Variants in POU2F1 observed in about 807,000 individuals in gnomAD.
POU2F1 encodes the protein POU domain, class 2, transcription factor 1.
A neutral mutation model predicts 84.9 loss-of-function variants in POU2F1; 16 were observed. The observed-to-expected ratio is 0.19, with a 90% CI of 0.13 to 0.29. POU2F1 has a LOEUF of 0.29. Among genes scored for constraint, POU2F1 ranks in the 10% least tolerant of loss-of-function variants. The pLI is 1.00. For missense variants in POU2F1, 738 were observed against 942.6 expected, an observed-to-expected ratio of 0.78 and a Z score of 2.84; for synonymous variants, 368 against 368.3, an observed-to-expected ratio of 1.00 and a Z score of 0.01.
intron 2 of POU2F1, among the ~76,000 whole-genome samples, chr1:167,365,265 GT>G (rs1659613455): frequency 6.6e-6 from 1 of 152,176 alleles, no homozygotes; most frequent in South Asian, 2.1e-4. Flanking sequence ...AGCTTTATCA[GT>G]GTTTGTGTAC....
At chr1:167,253,118 C>T (rs1245906145) in intron 1 of POU2F1, among the ~76,000 whole-genome samples, 1 of 152,190 alleles carries the variant, frequency 6.6e-6, no homozygotes, top group Admixed American at 6.5e-5. Flanking sequence ...TGTTGAAATA[C>T]TTGTGAAACT....
intron 1 of POU2F1, among the ~76,000 whole-genome samples, chr1:167,236,416 A>C (rs527653245): frequency 2.0e-5 from 3 of 152,226 alleles, no homozygotes; most frequent in African/African-American, 7.2e-5. Context: ...CTTCTTATTA[A>C]ATTTTTATTA....
At chr1:167,412,984 C>T (rs762298337) in intron 14 of POU2F1, 42 bp from the exon 15 acceptor site, 53 of 1,488,950 alleles carry the variant, frequency 3.6e-5, no homozygotes, top group Admixed American at 8.7e-5. Context: ...ATGAGACCTG[C>T]GTCTGCATGG....
chr1:167,311,941 T>G (rs192724079), intron 1 of POU2F1, among the ~76,000 whole-genome samples: 13 of 151,704 alleles, frequency 8.6e-5, no homozygotes, highest in Admixed American at 6.6e-5. Context: ...TAATTTTTTT[T>G]TTTGTTTGTG....
chr1:167,342,537 G>A lies in POU2F1; in HGVS notation c.127+10002G>A, dbSNP rs151166736. ...GAAGAGAAAGAATCCTGAAAGACCA[G>A]GGTACCAGTGAATAGACTTGCTATT... On this transcript the variant is annotated intron_variant, in intron 2 of 15. Transcript: ENST00000367866. Among the ~76,000 whole-genome samples, 349 of 152,212 alleles carry A rather than the reference G, an allele frequency of 2.3e-3. 2 individuals are homozygous for A. Among genetic ancestry groups the A allele is most frequent in the African/African-American group, 8.1e-3 (335 of 41,538 alleles).
intron 5 of POU2F1, among the ~76,000 whole-genome samples, chr1:167,373,030 G>A (rs985035653): frequency 1.3e-5 from 2 of 151,864 alleles, no homozygotes; most frequent in African/African-American, 4.8e-5. Context: ...AATCCCATGA[G>A]TAGAGATGTA....
chr1:167,392,182 T>C (rs1421238806), intron 9 of POU2F1, among the ~76,000 whole-genome samples: 2 of 151,800 alleles, frequency 1.3e-5, no homozygotes, highest in Non-Finnish European at 2.9e-5. Flanking sequence ...AAACCCCGTC[T>C]CTACTAAAAA....
intron 7 of POU2F1, among the ~76,000 whole-genome samples, chr1:167,378,515 T>C (rs1234962514): frequency 1.3e-5 from 2 of 151,744 alleles, no homozygotes; most frequent in African/African-American, 4.8e-5. Flanking sequence ...CAAGCGATTC[T>C]CCTGTCTCAG....
intron 2 of POU2F1, among the ~76,000 whole-genome samples, chr1:167,334,878 C>T (rs962619357): frequency 1.4e-4 from 21 of 152,150 alleles, no homozygotes; most frequent in Admixed American, 2.0e-4. Flanking sequence ...GAACGCTTAA[C>T]ATTATAGTAA....
At chr1:167,334,872 G>A (rs56371333) in intron 2 of POU2F1, among the ~76,000 whole-genome samples, 7,065 of 152,164 alleles carry the variant, frequency 0.046, 223 homozygotes, top group Non-Finnish European at 0.073. Flanking sequence ...GGGGAAGAAC[G>A]CTTAACATTA....
chr1:167,293,033 A>G (rs907173023), intron 1 of POU2F1, among the ~76,000 whole-genome samples: 4 of 152,210 alleles, frequency 2.6e-5, no homozygotes, highest in African/African-American at 7.2e-5. Flanking sequence ...ATATCTGACA[A>G]ACCCACAGCA....
intron 1 of POU2F1, among the ~76,000 whole-genome samples, chr1:167,247,689 T>C (rs1210487140): frequency 1.3e-5 from 2 of 152,168 alleles, no homozygotes; most frequent in Non-Finnish European, 2.9e-5. Flanking sequence ...AGGAATTCTG[T>C]TGTTGGTCAG....
At chr1:167,391,497 A>G (rs1048200840) in intron 9 of POU2F1, among the ~76,000 whole-genome samples, 2 of 149,034 alleles carry the variant, frequency 1.3e-5, no homozygotes, top group Non-Finnish European at 3.0e-5. Context: ...ATCCAAGGGT[A>G]GCATCCCCAA....
At chr1:167,241,931 T>C (rs1318996301) in intron 1 of POU2F1, among the ~76,000 whole-genome samples, 1 of 152,224 alleles carries the variant, frequency 6.6e-6, no homozygotes, top group African/African-American at 2.4e-5. Flanking sequence ...ATTGTCTAAT[T>C]TAATCACAAA....
At chr1:167,326,002 C>T (rs1656684873) in intron 1 of POU2F1, among the ~76,000 whole-genome samples, 1 of 151,874 alleles carries the variant, frequency 6.6e-6, no homozygotes, top group African/African-American at 2.4e-5. Context: ...TTGTGAAATA[C>T]ATGAGTTTGA....
intron 2 of POU2F1, among the ~76,000 whole-genome samples, chr1:167,352,054 T>C (rs2101790158): frequency 6.6e-6 from 1 of 152,248 alleles, no homozygotes; most frequent in East Asian, 1.9e-4. Flanking sequence ...ACTGATTGCT[T>C]TGGAGATGAC....
Position 167,300,701 on chromosome 1 carries a change from G to A in POU2F1, c.62-31769G>A, listed in dbSNP as rs544223742. 5.3e-5 allele frequency among the ~76,000 whole-genome samples: 8 copies of A among 152,206 alleles called. No individual in the cohort carries two copies. The South Asian group carries it at 1.7e-3, about 32-fold the overall frequency. ...GATGGTCTCGATCTCTTGACCTCGT[G>A]ATCCGCCCACCTCGGCCTCCCAAAG... On this transcript the variant is annotated intron_variant, in intron 1 of 15. Coordinates refer to ENST00000367866, the MANE Select transcript of POU2F1 (RefSeq NM_002697.4).
intron 2 of POU2F1, among the ~76,000 whole-genome samples, chr1:167,338,611 A>G (rs1657635372): frequency 1.3e-5 from 2 of 152,188 alleles, no homozygotes. Context: ...GGGAGTGGTA[A>G]TATTTTTTAT....
chr1:167,248,866 G>A (rs1180839619), intron 1 of POU2F1, among the ~76,000 whole-genome samples: 1 of 151,942 alleles, frequency 6.6e-6, no homozygotes. Context: ...TTATTATGTA[G>A]GTATTATAAT....
Sources: gnomAD v4.1 joint callset for allele counts (sites outside exome capture counted in the v4.1 genomes callset) on GRCh38, gnomAD v4.1.1 for gene constraint, MANE v1.5 for transcripts, NCBI Gene and HGNC (gene_info 2026-07-23, HGNC 2026-07-21) for gene names.